Variants in MAP3K15 observed in about 807,000 individuals in gnomAD.
MAP3K15 encodes MAPK/ERK kinase kinase 15.
MAP3K15 carries 124 observed loss-of-function variants against 99.5 expected under a neutral mutation model. The ratio of observed to expected loss-of-function variants is 1.25; its 90% CI spans 1.08 to 1.45. The LOEUF (loss-of-function observed/expected upper bound fraction) is 1.45, where lower values mean the gene tolerates loss of function less well. MAP3K15 is among the 40% of genes most tolerant of loss of function. The pLI, the probability that MAP3K15 is intolerant of heterozygous loss-of-function variation, is 0.00. For missense variants in MAP3K15, 1,242 were observed against 1,079.7 expected (o/e 1.15, Z -2.11); for synonymous variants, 494 against 439.6 (o/e 1.12, Z -1.55).
Position 19,431,518 on chromosome X carries a change from G to A in MAP3K15, c.1086C>T (p.Cys362=), listed in dbSNP as rs760689502. ...SCDHPGPDMF[C]LCGRIYKDIF... ...TGTCCTTGTAGATCCTCCCACACAG[G>A]CAGAACATGTCGGGGCCCGGGTGAT... is the stretch of plus-strand genomic sequence containing the variant. Residue 362 remains cysteine (C), a synonymous_variant, in exon 7 of 29, where the codon TGC becomes TGT. Transcript: ENST00000338883. 6.7e-6 allele frequency: 8 copies of A among 1,199,879 alleles called. No individual in the cohort carries two copies. In the East Asian group the frequency reaches 2.1e-4, roughly 31 times the overall value.
At chrX:19,399,610 T>C (rs2063592941) in intron 14 of MAP3K15, among the ~76,000 whole-genome samples, 1 of 108,888 alleles carries the variant, frequency 9.2e-6, no homozygotes. Context: ...GGCGGGTGCC[T>C]GTAGTCCCAG....
At chrX:19,372,964 G>A (rs187537495) in intron 21 of MAP3K15, 137 bp from the exon 22 acceptor site, 13 of 579,725 alleles carry the variant, frequency 2.2e-5, no homozygotes, top group Admixed American at 3.6e-5. Flanking sequence ...TGAAATTGCC[G>A]GAGGAAGGAC....
intron 13 of MAP3K15, among the ~76,000 whole-genome samples, chrX:19,403,123 C>T (rs1348417883): frequency 9.0e-6 from 1 of 111,602 alleles, no homozygotes; most frequent in Non-Finnish European, 1.9e-5. Context: ...GGGCACAAAG[C>T]AACTTCTGGG....
At position 19,371,449 on chromosome X, in the gene MAP3K15, G is replaced by C. The variant is rs1295252043; in HGVS notation, c.3190C>G (p.His1064Asp). 1.2e-5 allele frequency: 15 copies of C among 1,210,671 alleles called. No homozygotes were observed. The highest frequency in any genetic ancestry group is 1.6e-5 in the Non-Finnish European group (14 of 894,462). Residue 1064 changes from histidine (H) to aspartate (D), a missense_variant, in exon 23 of 29, where the codon CAC becomes GAC. By Grantham distance (81) the His-to-Asp change is moderately conservative (BLOSUM62 -1). Coordinates refer to ENST00000338883, the MANE Select transcript of MAP3K15 (RefSeq NM_001001671.4). ...GATATTGTGGTCGCCATCACCCGGT[G>C]CTCTGGGGAGCGGATGAAGTCCCTC... ...ILRDFIRSPE[H>D]RVMATTISKL...
chrX:19,471,942 G>A (rs1316485020), intron 3 of MAP3K15, among the ~76,000 whole-genome samples: 3 of 111,904 alleles, frequency 2.7e-5, no homozygotes, highest in Non-Finnish European at 5.6e-5. Flanking sequence ...TACTAAAGGG[G>A]CCGGGCGCGG....
chrX:19,478,559 C>T (rs1265056692), intron 3 of MAP3K15, among the ~76,000 whole-genome samples: 2 of 108,915 alleles, frequency 1.8e-5, no homozygotes, highest in East Asian at 2.9e-4. Flanking sequence ...GGAGAGACTT[C>T]GAGTATTGAA....
intron 12 of MAP3K15, among the ~76,000 whole-genome samples, chrX:19,408,224 A>G (rs1474109486): frequency 8.9e-6 from 1 of 111,805 alleles, no homozygotes; most frequent in Non-Finnish European, 1.9e-5. Flanking sequence ...TGGGGCGAGG[A>G]TGATACGCCC....
In MAP3K15 at chrX:19,395,199, C is replaced by T. The variant is rs141688905; in HGVS notation, c.2076G>A (p.Gln692=). Residue 692 remains glutamine, a synonymous_variant, in exon 16 of 29, where the codon CAG becomes CAA. Coordinates refer to ENST00000338883, the MANE Select transcript of MAP3K15 (RefSeq NM_001001671.4). ...GCAGGGCTATCTCCTCGTGCAGAGG[C>T]TGAGAATACCTATTGGGAAAAACAG... ...EIPERDSRYS[Q]PLHEEIALHK... 706 of 1,203,805 alleles carry T rather than the reference C, an allele frequency of 5.9e-4. 2 individuals are homozygous for T. In the African/African-American group the frequency reaches 0.011, roughly 19 times the overall value.
intron 18 of MAP3K15, among the ~76,000 whole-genome samples, chrX:19,385,308 T>C (rs2063487354): frequency 9.0e-6 from 1 of 111,378 alleles, no homozygotes. Context: ...TTTCATTACA[T>C]GGGATCCTCC....
chrX:19,490,455 T>C, intron 1 of MAP3K15, among the ~76,000 whole-genome samples: 1 of 110,839 alleles, frequency 9.0e-6, no homozygotes, highest in Non-Finnish European at 1.9e-5. Flanking sequence ...TAACAACATA[T>C]AACGTGCCCT....
At chrX:19,453,797 C>T (rs1035205888) in intron 6 of MAP3K15, among the ~76,000 whole-genome samples, 24 of 112,161 alleles carry the variant, frequency 2.1e-4, no homozygotes, top group Non-Finnish European at 4.1e-4. Context: ...CATTTTTCTA[C>T]ATTTGACAAA....
chrX:19,504,942 C>G (rs1005721613), intron 1 of MAP3K15, among the ~76,000 whole-genome samples: 3 of 84,933 alleles, frequency 3.5e-5, no homozygotes, highest in African/African-American at 1.6e-4. Flanking sequence ...AGCAACAGAG[C>G]GAGACCTCCT....
chrX:19,467,707 CA>C (rs2064178145), intron 3 of MAP3K15, among the ~76,000 whole-genome samples: 1 of 12,537 alleles, frequency 8.0e-5, no homozygotes, highest in African/African-American at 1.0e-4. Flanking sequence ...GCAGAGGTTG[CA>C]GTGAAACCTA....
chrX:19,370,831 A>G lies in MAP3K15; in HGVS notation c.3400+128T>C, dbSNP rs753443120. 9.3e-6 allele frequency: 5 copies of G among 540,383 alleles called. No homozygotes were observed. In the South Asian group the frequency reaches 1.1e-4, roughly 12 times the overall value. The allele number at this position is 540,383 out of a possible 1,213,427, so 44.5% of individuals were successfully genotyped here. ...AGCCCCGGAAGAAGTCTATGACAACATGCATTTAATTCCAAGGAAGTAGAT... is the reference window on the plus strand; with the variant it reads ...AGCCCCGGAAGAAGTCTATGACAACGTGCATTTAATTCCAAGGAAGTAGAT... On this transcript the variant is annotated intron_variant, in intron 24 of 28. Transcript: ENST00000338883.
At chrX:19,403,870 TCCTC>T (rs1218109609) in intron 13 of MAP3K15, among the ~76,000 whole-genome samples, 2 of 111,342 alleles carry the variant, frequency 1.8e-5, no homozygotes, top group African/African-American at 6.5e-5. Context: ...AAAGGGAACT[TCCTC>T]AATCTGATAA....
intron 1 of MAP3K15, among the ~76,000 whole-genome samples, chrX:19,492,491 G>C (rs895995922): frequency 5.4e-5 from 6 of 111,216 alleles, no homozygotes; most frequent in Admixed American, 9.6e-5. Flanking sequence ...ACTAATGAAA[G>C]GATGCACGTC....
At chrX:19,490,975 T>C (rs941026032) in intron 1 of MAP3K15, among the ~76,000 whole-genome samples, 1 of 111,248 alleles carries the variant, frequency 9.0e-6, no homozygotes, top group South Asian at 3.8e-4. Flanking sequence ...AGGAATGTAG[T>C]GTCCAAACTC....
chrX:19,371,558 T>A (rs747278427), intron 22 of MAP3K15, 28 bp from the exon 23 acceptor site: 25 of 1,154,639 alleles, frequency 2.2e-5, no homozygotes, highest in Non-Finnish European at 2.8e-5. Context: ...TCATTTTCAT[T>A]GAGTCAGATT....
intron 1 of MAP3K15, among the ~76,000 whole-genome samples, chrX:19,490,140 TACACACACACACACACACACACACAC>T (rs59202439): frequency 3.2e-5 from 3 of 92,469 alleles, no homozygotes; most frequent in Non-Finnish European, 6.4e-5. Context: ...ATAGGCATTA[TACACACACACACACACACACACACAC>T]ACACACACAC....
Sources: gnomAD v4.1 joint callset for allele counts (sites outside exome capture counted in the v4.1 genomes callset) on GRCh38, gnomAD v4.1.1 for gene constraint, MANE v1.5 for transcripts, NCBI Gene and HGNC (gene_info 2026-07-23, HGNC 2026-07-21) for gene names.